Variants in OR1I1 observed in about 807,000 individuals in gnomAD.
OR1I1 encodes olfactory receptor 1I1.
For missense variants in OR1I1, 451 were observed against 443.6 expected (o/e 1.02, Z -0.15); for synonymous variants, 171 against 181.4 (o/e 0.94, Z 0.46).
intron 1 of OR1I1, among the ~76,000 whole-genome samples, chr19:15,085,709 C>T (rs983693729): frequency 6.6e-6 from 1 of 152,100 alleles, no homozygotes; most frequent in East Asian, 1.9e-4. Flanking sequence ...CCCCCAGCCC[C>T]TGGTAACCAC....
At chr19:15,082,465 C>T (rs2046213350) in intron 1 of OR1I1, among the ~76,000 whole-genome samples, 189 bp downstream of exon 1, 1 of 151,282 alleles carries the variant, frequency 6.6e-6, no homozygotes, top group Admixed American at 6.6e-5. Context: ...TGTCTCCTTC[C>T]TAGAGGCCGA....
chr19:15,087,336 GCCAT>G lies in OR1I1; in HGVS notation c.274_277del (p.Ile92ProfsTer25). 1 of 1,614,162 alleles carries G rather than the reference GCCAT, an allele frequency of 6.2e-7. No individual in the cohort carries two copies. Among genetic ancestry groups the G allele is most frequent in the Non-Finnish European group, 8.5e-7 (1 of 1,180,024 alleles). ...AGCGAACATCCAGGCTCAGAGCAGA[GCCAT>G]CCCCTTTGTGGGCTGCCTCACCCAG... On this transcript the variant is annotated frameshift_variant, in exon 2 of 2. Coordinates refer to ENST00000641398, the MANE Select transcript of OR1I1 (RefSeq NM_001004713.2). LOFTEE classifies it low-confidence loss of function (END_TRUNC).
Position 15,088,775 on chromosome 19 carries a change from AGATAGATAGATAG to A in OR1I1, c.*643_*655del, listed in dbSNP as rs2046243273. On this transcript the variant is annotated 3_prime_UTR_variant, in exon 2 of 2. Transcript: ENST00000641398. ...GATAGGGTGGATAGATAAGATATGT[AGATAGATAGATAG>A]ATAGATAGATAGATAGATAGATAGA... The A allele has an allele frequency of 1.3e-3, 5 of 3,704 alleles. 1 individual carries two copies. Among genetic ancestry groups the A allele is most frequent in the Admixed American group, 4.6e-3 (1 of 218 alleles). The allele number at this position is 3,704 out of a possible 1,614,324, so 0.2% of individuals were successfully genotyped here.
Position 15,088,677 on chromosome 19 carries a change from T to C in OR1I1, c.*544T>C, listed in dbSNP as rs1263156369. 2 of 50,892 alleles carry C rather than the reference T, an allele frequency of 3.9e-5. No homozygotes were observed. The highest frequency in any genetic ancestry group is 3.2e-4 in the East Asian group (1 of 3,138). The allele number at this position is 50,892 out of a possible 1,614,324, so 3.2% of individuals were successfully genotyped here. ...TGTCACTCATAGGTAGATAGATAGA[T>C]AGATAGATAGATAGATAGATAGATA... On this transcript the variant is annotated 3_prime_UTR_variant, in exon 2 of 2. Transcript: ENST00000641398.
rs2046233674 is a variant in OR1I1, at chr19:15,087,241, T to C, written c.176T>C (p.Met59Thr). 1.2e-6 allele frequency: 2 copies of C among 1,614,036 alleles called. No individual in the cohort carries two copies. The highest frequency in any genetic ancestry group is 8.5e-7 in the Non-Finnish European group (1 of 1,179,978). ...IITDSHLHTP[M>T]YFFLFNLSLV... ...ACGGACTCTCACCTCCACACACCCA[T>C]GTACTTCTTTCTCTTCAACCTCTCA... Residue 59 changes from methionine to threonine, a missense_variant, in exon 2 of 2, where the codon ATG becomes ACG. Met to Thr is a moderately conservative substitution (Grantham distance 81). Transcript: ENST00000641398.
intron 1 of OR1I1, among the ~76,000 whole-genome samples, chr19:15,086,047 C>A (rs2046228934): frequency 6.6e-6 from 1 of 152,038 alleles, no homozygotes; most frequent in East Asian, 1.9e-4. Context: ...AGGCGCGGTG[C>A]CTCATGCCTG....
chr19:15,088,345 TAC>T lies in OR1I1; in HGVS notation c.*215_*216del. Reference sequence around the variant, plus strand: ...AGTAGTTGAAAACAAGAGACGTAGCTACACTCATTTTAGTATTGACAAAGGCC... The same window carrying T: ...AGTAGTTGAAAACAAGAGACGTAGCTACTCATTTTAGTATTGACAAAGGCC... On this transcript the variant is annotated 3_prime_UTR_variant, in exon 2 of 2. Coordinates refer to ENST00000641398, the MANE Select transcript of OR1I1 (RefSeq NM_001004713.2). 2 of 551,974 alleles carry T rather than the reference TAC, an allele frequency of 3.6e-6. No homozygotes were observed. Among genetic ancestry groups the T allele is most frequent in the East Asian group, 6.5e-5 (2 of 30,638 alleles). The allele number at this position is 551,974 out of a possible 1,614,324, so 34.2% of individuals were successfully genotyped here. A position where few individuals can be genotyped will look rare whatever the true frequency, so the allele number is the denominator to read the frequency against.
chr19:15,086,924 C>A, intron 1 of OR1I1, 129 bp from the exon 2 acceptor site: 1 of 1,400,518 alleles, frequency 7.1e-7, no homozygotes, highest in Non-Finnish European at 9.4e-7. Context: ...GTTAACTGAA[C>A]ACAAAGGAAT....
Position 15,087,082 on chromosome 19 carries a change from A to G in OR1I1, c.17A>G (p.Gln6Arg). 1 of 1,612,236 alleles carries G rather than the reference A, an allele frequency of 6.2e-7. No homozygotes were observed. Among genetic ancestry groups the G allele is most frequent in the Non-Finnish European group, 8.5e-7 (1 of 1,178,844 alleles). Residue 6 changes from glutamine to arginine, a missense_variant, in exon 2 of 2, where the codon CAA becomes CGA. Coordinates refer to ENST00000641398, the MANE Select transcript of OR1I1 (RefSeq NM_001004713.2). ...AGACCATACATGGAACCAGAAAAGC[A>G]AACCGAAATCTCAGAATTCTTCCTC... MEPEK[Q>R]TEISEFFLQG...
In OR1I1 at chr19:15,092,290, A is replaced by C. The variant is rs368939212; in HGVS notation, c.*4157A>C. 4.6e-5 allele frequency: 7 copies of C among 152,272 alleles called. No homozygotes were observed. The South Asian group carries it at 8.3e-4, about 18-fold the overall frequency. 9.4% of individuals were successfully genotyped at this position (152,272 alleles called of 1,614,324 possible). ...ACGGAGACTGGTGTGGCCTGAGCCC[A>C]GAGTGACAGGGAAGCTGGGTTTGCA... On this transcript the variant is annotated 3_prime_UTR_variant, in exon 2 of 2. Transcript: ENST00000641398.
At position 15,089,199 on chromosome 19, in the gene OR1I1, TA is replaced by T. The variant is rs2046247031; in HGVS notation, c.*1067del. On this transcript the variant is annotated 3_prime_UTR_variant, in exon 2 of 2. Transcript: ENST00000641398. The stretch of plus-strand genomic sequence containing the variant: ...GAGATTAGCTCACGTGCTGTTCGCT[TA>T]GTCAGCCAGCAAGCCTCAGCCTCCT... The T allele has an allele frequency of 6.6e-6, 1 of 152,164 alleles. No homozygotes were observed. Among genetic ancestry groups the T allele is most frequent in the Non-Finnish European group, 1.5e-5 (1 of 68,020 alleles). The allele number at this position is 152,164 out of a possible 1,614,324, so 9.4% of individuals were successfully genotyped here.
chr19:15,087,435 G>C lies in OR1I1; in HGVS notation c.370G>C (p.Val124Leu). 6.2e-7 allele frequency: 1 copy of C among 1,613,966 alleles called. No individual in the cohort carries two copies. The highest frequency in any genetic ancestry group is 8.5e-7 in the Non-Finnish European group (1 of 1,179,906). Residue 124 changes from valine (V) to leucine (L), a missense_variant, in exon 2 of 2, where the codon GTG becomes CTG. Coordinates refer to ENST00000641398, the MANE Select transcript of OR1I1 (RefSeq NM_001004713.2). Reference sequence around the variant, plus strand: ...GGCAGTAATGGCCATCGACCGCTTCGTGGCCATTGTCCACCCACAGCGTTA... The same window carrying C: ...GGCAGTAATGGCCATCGACCGCTTCCTGGCCATTGTCCACCCACAGCGTTA... ...LLAVMAIDRF[V>L]AIVHPQRYLV...
At position 15,087,284 on chromosome 19, in the gene OR1I1, A is replaced by C. The variant is rs2046233893; in HGVS notation, c.219A>C (p.Leu73Phe). 1.2e-6 allele frequency: 2 copies of C among 1,613,784 alleles called. No individual in the cohort carries two copies. The highest frequency in any genetic ancestry group is 2.7e-5 in the African/African-American group (2 of 74,810). ...LFNLSLVDTLLSSTTVPKMLA... is the reference protein window; with the variant it reads ...LFNLSLVDTLFSSTTVPKMLA... ...ACCTCTCACTCGTTGACACCCTATTATCCTCCACCACCGTCCCCAAGATGC... is the reference window on the plus strand; with the variant it reads ...ACCTCTCACTCGTTGACACCCTATTCTCCTCCACCACCGTCCCCAAGATGC... Residue 73 changes from leucine to phenylalanine, a missense_variant, in exon 2 of 2, where the codon TTA becomes TTC. Coordinates refer to ENST00000641398, the MANE Select transcript of OR1I1 (RefSeq NM_001004713.2).
rs776184971 is a variant in OR1I1, at chr19:15,087,222, T to A, written c.157T>A (p.Ser53Thr). 1.2e-6 allele frequency: 2 copies of A among 1,614,060 alleles called. No individual in the cohort carries two copies. Among genetic ancestry groups the A allele is most frequent in the Non-Finnish European group, 1.7e-6 (2 of 1,179,998 alleles). Residue 53 changes from serine (S) to threonine (T), a missense_variant, in exon 2 of 2, where the codon TCT becomes ACT. Ser to Thr is a moderately conservative substitution (Grantham distance 58). Coordinates refer to ENST00000641398, the MANE Select transcript of OR1I1 (RefSeq NM_001004713.2). Reference protein sequence around the residue: ...ALIILAIITDSHLHTPMYFFL... With the variant: ...ALIILAIITDTHLHTPMYFFL... ...CATTATCCTGGCCATCATCACGGAC[T>A]CTCACCTCCACACACCCATGTACTT...
At chr19:15,085,584 T>C (rs2046227462) in intron 1 of OR1I1, among the ~76,000 whole-genome samples, 1 of 152,118 alleles carries the variant, frequency 6.6e-6, no homozygotes, top group Non-Finnish European at 1.5e-5. Context: ...TGGTATACAA[T>C]GCATTGTTAT....
intron 1 of OR1I1, among the ~76,000 whole-genome samples, chr19:15,085,157 TATATATA>T (rs2046224357): frequency 1.4e-3 from 57 of 41,196 alleles, no homozygotes; most frequent in Middle Eastern, 0.016. Flanking sequence ...TATATATATA[TATATATA>T]TATATATATA....
Position 15,088,285 on chromosome 19 carries a change from G to T in OR1I1, c.*152G>T, listed in dbSNP as rs1337866438. On this transcript the variant is annotated 3_prime_UTR_variant, in exon 2 of 2. Transcript: ENST00000641398. ...AACTGGCCTGAAATTAGCCCTCCTG[G>T]AGGATCAGCCTTTTAGGATTGCTAT... The T allele has an allele frequency of 2.3e-6, 2 of 875,118 alleles. No homozygotes were observed. Among genetic ancestry groups the T allele is most frequent in the East Asian group, 5.4e-5 (2 of 37,266 alleles). The allele number at this position is 875,118 out of a possible 1,614,324, so 54.2% of individuals were successfully genotyped here.
chr19:15,084,667 A>G (rs1489801620), intron 1 of OR1I1, among the ~76,000 whole-genome samples: 1 of 152,152 alleles, frequency 6.6e-6, no homozygotes, highest in Non-Finnish European at 1.5e-5. Context: ...CCACTATGGC[A>G]CACGTTTACC....
chr19:15,087,202 T>G lies in OR1I1; in HGVS notation c.137T>G (p.Ile46Ser). The G allele has an allele frequency of 6.2e-7, 1 of 1,614,092 alleles. No homozygotes were observed. The highest frequency in any genetic ancestry group is 1.1e-5 in the South Asian group (1 of 91,070). Residue 46 changes from isoleucine (I) to serine (S), a missense_variant, in exon 2 of 2, where the codon ATC (isoleucine) becomes AGC (serine). By Grantham distance (142) the Ile-to-Ser change is moderately radical. Coordinates refer to ENST00000641398, the MANE Select transcript of OR1I1 (RefSeq NM_001004713.2). Reference sequence around the variant, plus strand: ...ACCATCATTGGAAATGCCCTCATTATCCTGGCCATCATCACGGACTCTCAC... The same window carrying G: ...ACCATCATTGGAAATGCCCTCATTAGCCTGGCCATCATCACGGACTCTCAC... The part of the protein sequence containing the change: ...LVTIIGNALI[I>S]LAIITDSHLH...
Sources: allele counts gnomAD v4.1 joint callset (sites outside exome capture counted in the v4.1 genomes callset), GRCh38; gene constraint gnomAD v4.1.1; transcripts MANE v1.5; gene names NCBI Gene and HGNC (gene_info 2026-07-23, HGNC 2026-07-21).